The following KCNMB2 variants were observed in gnomAD, a reference collection of about 807,000 sequenced individuals.
The protein encoded by KCNMB2 is potassium calcium-activated channel subfamily M regulatory beta subunit 2, also known as calcium-activated potassium channel subunit beta-2.
In KCNMB2, 9 loss-of-function variants were observed where a neutral mutation model predicts 24.5. The observed-to-expected ratio is 0.37, with a 90% CI of 0.22 to 0.64. KCNMB2 has a LOEUF of 0.64. Ranked by LOEUF, KCNMB2 falls within the 30% of genes least tolerant of loss-of-function variation. The pLI, the probability that KCNMB2 is intolerant of heterozygous loss-of-function variation, is 0.63. For missense variants in KCNMB2, 226 were observed against 284.3 expected (o/e 0.79, Z 1.47); for synonymous variants, 109 against 104.4 (o/e 1.04, Z -0.27).
intron 1 of KCNMB2, among the ~76,000 whole-genome samples, chr3:178,790,952 T>C (rs939146399): frequency 1.3e-5 from 2 of 152,152 alleles, no homozygotes; most frequent in Non-Finnish European, 2.9e-5. Context: ...AAGTTTTAGA[T>C]CACAACACTT....
At chr3:178,614,390 T>C (rs1006103017) in intron 1 of KCNMB2, among the ~76,000 whole-genome samples, 2 of 147,182 alleles carry the variant, frequency 1.4e-5, no homozygotes, top group African/African-American at 5.0e-5. Flanking sequence ...TCCACATGGC[T>C]GGGGAGGCCT....
intron 1 of KCNMB2, among the ~76,000 whole-genome samples, chr3:178,695,951 C>G (rs1721858742): frequency 6.6e-6 from 1 of 152,174 alleles, no homozygotes; most frequent in Non-Finnish European, 1.5e-5. Flanking sequence ...CACCAATTTA[C>G]TGTATTAGTC....
chr3:178,639,220 A>G lies in KCNMB2; in HGVS notation c.-68+102509A>G, dbSNP rs116559637. 7.7e-3 allele frequency among the ~76,000 whole-genome samples: 1,170 copies of G among 152,322 alleles called. 15 individuals carry two copies. The highest frequency in any genetic ancestry group is 0.027 in the African/African-American group (1,132 of 41,576). On this transcript the variant is annotated intron_variant, in intron 1 of 4. Transcript: ENST00000452583. ...GTAATGTATTAAAATCTTGACATTA[A>G]TTATCTCATTTAAGTCTCACAGCAA...
At chr3:178,632,821 G>A (rs530982276) in intron 1 of KCNMB2, among the ~76,000 whole-genome samples, 39 of 152,258 alleles carry the variant, frequency 2.6e-4, no homozygotes, top group Middle Eastern at 3.4e-3. Flanking sequence ...CTGAGACAAG[G>A]CAAGTCCCTT....
chr3:178,815,497 C>T (rs1347969955), intron 2 of KCNMB2, among the ~76,000 whole-genome samples: 1 of 152,028 alleles, frequency 6.6e-6, no homozygotes, highest in Non-Finnish European at 1.5e-5. Flanking sequence ...GGTGAATACG[C>T]TTTTATTTCT....
intron 1 of KCNMB2, among the ~76,000 whole-genome samples, chr3:178,690,058 GT>G (rs1721615421): frequency 6.6e-6 from 1 of 152,120 alleles, no homozygotes; most frequent in Admixed American, 6.5e-5. Context: ...AAAAATCTGT[GT>G]TTTTAGAAAT....
intron 1 of KCNMB2, among the ~76,000 whole-genome samples, chr3:178,759,477 ATATATATATAT>A (rs1711603927): frequency 5.2e-5 from 6 of 114,706 alleles, no homozygotes; most frequent in African/African-American, 3.6e-5. Context: ...GGATATATAT[ATATATATATAT>A]CTCCAAGAGG....
intron 1 of KCNMB2, among the ~76,000 whole-genome samples, chr3:178,757,385 T>C (rs1724128160): frequency 1.4e-5 from 1 of 72,452 alleles, no homozygotes; most frequent in African/African-American, 5.9e-5. Flanking sequence ...CAAGAGGATA[T>C]ATATATATGT....
chr3:178,772,322 C>G (rs1399308722), intron 1 of KCNMB2, among the ~76,000 whole-genome samples: 3 of 152,018 alleles, frequency 2.0e-5, no homozygotes, highest in Admixed American at 6.6e-5. Flanking sequence ...TGGCTGTGTC[C>G]CCAACCAAAT....
rs553758725 is a variant in KCNMB2, at chr3:178,589,978, T to G, written c.-68+53267T>G. ...TGTTCACCCTGAGCTGGGAATTTTC[T>G]TTTAACATCCTACTGTGTAAGACGA... On this transcript the variant is annotated intron_variant, in intron 1 of 4. Transcript: ENST00000452583. Among the ~76,000 whole-genome samples, 43 of 152,336 alleles carry G rather than the reference T, an allele frequency of 2.8e-4. No individual in the cohort carries two copies. The South Asian group carries it at 8.7e-3, about 31-fold the overall frequency.
chr3:178,603,703 G>A (rs556441353), intron 1 of KCNMB2, among the ~76,000 whole-genome samples: 1 of 152,272 alleles, frequency 6.6e-6, no homozygotes, highest in South Asian at 2.1e-4. Flanking sequence ...TGAATGATAA[G>A]CAGGGTAACC....
At chr3:178,610,409 A>G (rs1718440923) in intron 1 of KCNMB2, among the ~76,000 whole-genome samples, 1 of 152,022 alleles carries the variant, frequency 6.6e-6, no homozygotes, top group South Asian at 2.1e-4. Flanking sequence ...CCATTTTTTG[A>G]TGTCCTCTTC....
intron 1 of KCNMB2, among the ~76,000 whole-genome samples, chr3:178,757,934 TA>T (rs1724212034): frequency 1.0e-5 from 1 of 96,046 alleles, no homozygotes; most frequent in Non-Finnish European, 2.5e-5. Context: ...GATATATATA[TA>T]CACAAGGGGA....
intron 1 of KCNMB2, among the ~76,000 whole-genome samples, chr3:178,788,512 A>G (rs958926590): frequency 6.6e-6 from 1 of 152,226 alleles, no homozygotes; most frequent in Non-Finnish European, 1.5e-5. Context: ...ACATTTACTG[A>G]GTACCTACAG....
intron 1 of KCNMB2, among the ~76,000 whole-genome samples, chr3:178,590,344 T>C (rs747797722): frequency 1.7e-4 from 26 of 152,128 alleles, no homozygotes; most frequent in Non-Finnish European, 3.1e-4. Context: ...CTCTCAAAAA[T>C]TGAACCTCAT....
At chr3:178,810,621 CAA>C (rs1560030765) in intron 2 of KCNMB2, among the ~76,000 whole-genome samples, 1 of 152,156 alleles carries the variant, frequency 6.6e-6, no homozygotes, top group Admixed American at 6.6e-5. Flanking sequence ...CTTCTATATA[CAA>C]AACATAAGGT....
At chr3:178,542,768 G>A (rs1715661996) in intron 1 of KCNMB2, among the ~76,000 whole-genome samples, 1 of 152,160 alleles carries the variant, frequency 6.6e-6, no homozygotes, top group African/African-American at 2.4e-5. Flanking sequence ...CTGAATTAAT[G>A]CAAATTTACA....
chr3:178,799,179 G>C (rs1287147948), intron 1 of KCNMB2, among the ~76,000 whole-genome samples: 1 of 152,148 alleles, frequency 6.6e-6, no homozygotes, highest in Admixed American at 6.5e-5. Flanking sequence ...GCCCTAGTTA[G>C]AGCAATCAGA....
At chr3:178,660,771 A>G (rs1720497516) in intron 1 of KCNMB2, among the ~76,000 whole-genome samples, 1 of 152,026 alleles carries the variant, frequency 6.6e-6, no homozygotes, top group South Asian at 2.1e-4. Context: ...CAAGACTTCA[A>G]ATCCTGCACA....
Sources: gnomAD v4.1 joint callset for allele counts (sites outside exome capture counted in the v4.1 genomes callset) on GRCh38, gnomAD v4.1.1 for gene constraint, MANE v1.5 for transcripts, NCBI Gene and HGNC (gene_info 2026-07-23, HGNC 2026-07-21) for gene names.